The following ZCWPW2 variants were observed in gnomAD, a reference collection of about 807,000 sequenced individuals.
ZCWPW2 encodes zinc finger CW-type and PWWP domain containing 2.
Under a neutral mutation model 46.6 loss-of-function variants are expected in ZCWPW2, and 45 were observed. The observed-to-expected ratio is 0.96, with a 90% confidence interval of 0.76 to 1.24. ZCWPW2 has a LOEUF of 1.24. ZCWPW2 is among the 50% of genes most tolerant of loss of function. ZCWPW2 has a pLI of 0.00. For missense variants in ZCWPW2, 429 were observed against 403.9 expected, an observed-to-expected ratio of 1.06 and a Z score of -0.53; for synonymous variants, 152 against 137.1, an observed-to-expected ratio of 1.11 and a Z score of -0.76.
intron 6 of ZCWPW2, 69 bp from the exon 7 acceptor site, chr3:28,513,995 G>A (rs1700497163): frequency 7.7e-7 from 1 of 1,293,280 alleles, no homozygotes; most frequent in Non-Finnish European, 1.0e-6. Flanking sequence ...AACTGCATGG[G>A]ACCCATTATT....
chr3:28,373,147 A>T (rs1705393006), intron 1 of ZCWPW2, among the ~76,000 whole-genome samples: 1 of 152,144 alleles, frequency 6.6e-6, no homozygotes, highest in African/African-American at 2.4e-5. Context: ...CTTTGATACA[A>T]TGATTTCCTT....
intron 4 of ZCWPW2, among the ~76,000 whole-genome samples, chr3:28,471,695 A>T (rs1158910974): frequency 6.6e-6 from 1 of 152,176 alleles, no homozygotes; most frequent in Non-Finnish European, 1.5e-5. Flanking sequence ...CATGACAAGG[A>T]TGCCCATTGT....
At chr3:28,405,485 G>GT (rs1328017717) in intron 2 of ZCWPW2, among the ~76,000 whole-genome samples, 2 of 152,008 alleles carry the variant, frequency 1.3e-5, no homozygotes, top group African/African-American at 2.4e-5. Flanking sequence ...TTGTTTGTTT[G>GT]TTTTTTTGAG....
At chr3:28,430,008 G>A (rs918489467) in intron 3 of ZCWPW2, among the ~76,000 whole-genome samples, 10 of 152,236 alleles carry the variant, frequency 6.6e-5, no homozygotes, top group African/African-American at 2.4e-4. Context: ...GAAGGGAAAT[G>A]TGGGGTTGGA....
intron 1 of ZCWPW2, among the ~76,000 whole-genome samples, chr3:28,363,996 A>G (rs1705032654): frequency 6.6e-6 from 1 of 152,144 alleles, no homozygotes; most frequent in Non-Finnish European, 1.5e-5. Flanking sequence ...AATAGCCTAT[A>G]TTTTAAATAT....
At chr3:28,454,230 G>A (rs537434751) in intron 4 of ZCWPW2, among the ~76,000 whole-genome samples, 475 of 152,154 alleles carry the variant, frequency 3.1e-3, no homozygotes, top group Non-Finnish European at 5.7e-3. Context: ...ACATCAAAAG[G>A]AGTTTTAATA....
intron 1 of ZCWPW2, among the ~76,000 whole-genome samples, chr3:28,362,461 C>A (rs534422133): frequency 1.3e-5 from 2 of 152,204 alleles, no homozygotes; most frequent in African/African-American, 4.8e-5. Context: ...ATGCGGCCAA[C>A]AAGCATATGA....
intron 4 of ZCWPW2, among the ~76,000 whole-genome samples, chr3:28,441,236 C>T (rs891660502): frequency 1.3e-5 from 2 of 152,276 alleles, no homozygotes; most frequent in East Asian, 1.9e-4. Flanking sequence ...ATATCTTCAC[C>T]GTTTTTGACC....
intron 3 of ZCWPW2, among the ~76,000 whole-genome samples, chr3:28,424,009 T>C (rs531965804): frequency 1.1e-4 from 17 of 152,170 alleles, no homozygotes; most frequent in African/African-American, 4.1e-4. Flanking sequence ...ATAGTTGCCC[T>C]ACCTGTATTT....
At chr3:28,353,678 T>G (rs1389014886) in intron 1 of ZCWPW2, among the ~76,000 whole-genome samples, 2 of 152,256 alleles carry the variant, frequency 1.3e-5, no homozygotes, top group Non-Finnish European at 2.9e-5. Flanking sequence ...AGAGGTTTTT[T>G]TTTCTTTTTC....
intron 4 of ZCWPW2, among the ~76,000 whole-genome samples, chr3:28,466,330 C>T (rs1698822536): frequency 1.3e-5 from 2 of 151,924 alleles, no homozygotes; most frequent in Admixed American, 1.3e-4. Flanking sequence ...GCCCCCTGAA[C>T]CCAAAATAAA....
At chr3:28,397,260 T>A (rs555882993) in intron 2 of ZCWPW2, among the ~76,000 whole-genome samples, 14 of 152,246 alleles carry the variant, frequency 9.2e-5, no homozygotes, top group Non-Finnish European at 1.6e-4. Flanking sequence ...TTATATTGGC[T>A]ATACTCCATC....
intron 1 of ZCWPW2, 119 bp downstream of exon 1, chr3:28,349,322 C>G (rs998986493): frequency 1.1e-5 from 6 of 538,752 alleles, no homozygotes; most frequent in African/African-American, 4.1e-5. Context: ...GTGGTGCGTG[C>G]TGGCTCGGCT....
chr3:28,348,997 GCTGTCCGCGGGCTCGGCGC>G lies in ZCWPW2; in HGVS notation c.-338_-320del. ...GCTCTCAGCCGGAAAAGGGGCTGCCGCTGTCCGCGGGCTCGGCGCCAGGGACGCGCGAGGAAACCGGAAG... is the reference window on the plus strand; with the variant it reads ...GCTCTCAGCCGGAAAAGGGGCTGCCGCAGGGACGCGCGAGGAAACCGGAAG... On this transcript the variant is annotated 5_prime_UTR_variant, in exon 1 of 10. The change creates a premature stop within an existing upstream ORF in the 5' untranslated region. Transcript: ENST00000383768. The G allele has an allele frequency of 1.0e-6, 1 of 985,858 alleles. No homozygotes were observed. Among genetic ancestry groups the G allele is most frequent in the South Asian group, 4.7e-5 (1 of 21,300 alleles). 61.1% of individuals were successfully genotyped at this position (985,858 alleles called of 1,614,324 possible).
chr3:28,478,969 G>A (rs1028242142), intron 5 of ZCWPW2, 38 bp downstream of exon 5: 3 of 1,346,004 alleles, frequency 2.2e-6, no homozygotes, highest in Non-Finnish European at 3.1e-6. Flanking sequence ...CTGAAATAAG[G>A]ATTTATTCAA....
chr3:28,385,834 T>C (rs1695251072), intron 1 of ZCWPW2, among the ~76,000 whole-genome samples: 1 of 152,220 alleles, frequency 6.6e-6, no homozygotes, highest in Admixed American at 6.5e-5. Context: ...TTTGATTTAC[T>C]GTTTTAGTTA....
chr3:28,487,904 C>A (rs1256738485), intron 5 of ZCWPW2, among the ~76,000 whole-genome samples: 1 of 152,062 alleles, frequency 6.6e-6, no homozygotes, highest in East Asian at 1.9e-4. Context: ...TTTGCTTCCC[C>A]CAGGTCAGGC....
At chr3:28,473,124 G>A (rs879672179) in intron 4 of ZCWPW2, among the ~76,000 whole-genome samples, 26 of 152,164 alleles carry the variant, frequency 1.7e-4, no homozygotes, top group Admixed American at 9.2e-4. Context: ...CTTGTACAGC[G>A]TTGGTGGGAA....
chr3:28,370,259 A>G (rs2125203), intron 1 of ZCWPW2, among the ~76,000 whole-genome samples: 121,724 of 152,156 alleles, frequency 0.8, 49,355 homozygotes, highest in African/African-American at 0.94. Flanking sequence ...CACGCTGGGA[A>G]CTGTAGACTG....
Sources: gnomAD v4.1 joint callset for allele counts (sites outside exome capture counted in the v4.1 genomes callset) on GRCh38, gnomAD v4.1.1 for gene constraint, MANE v1.5 for transcripts, NCBI Gene and HGNC (gene_info 2026-07-23, HGNC 2026-07-21) for gene names.